Variants in PEX2 observed in about 807,000 individuals in gnomAD.
PEX2 encodes the protein peroxisomal biogenesis factor 2.
PEX2 carries 19 observed loss-of-function variants against 25.2 expected under a neutral mutation model. The observed-to-expected ratio is 0.75, with a 90% CI of 0.53 to 1.10. The LOEUF is 1.10. Ranked by LOEUF, PEX2 falls within the 50% of genes least tolerant of loss-of-function variation. The pLI is 0.00. For synonymous variants in PEX2, 141 were observed against 127.7 expected, an observed-to-expected ratio of 1.10 and a Z score of -0.70; for missense variants, 347 against 350.6, an observed-to-expected ratio of 0.99 and a Z score of 0.08.
Position 76,983,948 on chromosome 8 carries a change from T to C in PEX2, c.231A>G (p.Gly77=), listed in dbSNP as rs780031045. 6.2e-7 allele frequency: 1 copy of C among 1,614,172 alleles called. No homozygotes were observed. ...FTIYSKNATV[G]QSVLNIKYKN... ...TGTACTTAATATTCAAAACTGACTG[T>C]CCCACTGTGGCATTTTTGGAGTAGA... The change falls in exon 4 of 4, where the codon GGA becomes GGG. Residue 77 remains glycine (G), a synonymous_variant. Transcript: ENST00000357039.
rs897513302 is a variant in PEX2, at chr8:76,981,016, T to C, written c.*2245A>G. ...AAAGAGAACCATCTGAGCACCTACA[T>C]CCAGACTGGGCCTGCAGTGTGCAGC... is the stretch of plus-strand genomic sequence containing the variant. On this transcript the variant is annotated 3_prime_UTR_variant, in exon 4 of 4. Transcript: ENST00000357039. 5 of 152,158 alleles carry C rather than the reference T, an allele frequency of 3.3e-5. No individual in the cohort carries two copies. Among genetic ancestry groups the C allele is most frequent in the African/African-American group, 9.7e-5 (4 of 41,420 alleles). The allele number at this position is 152,158 out of a possible 1,614,324, so 9.4% of individuals were successfully genotyped here. A position where few individuals can be genotyped will look rare whatever the true frequency, so the allele number is the denominator to read the frequency against.
rs1471941336 is a variant in PEX2 at position 76,980,532 on chromosome 8, T to C, written c.*2729A>G. ...GTATATGGGAGGAGCATCACCTACA[T>C]TTAAGTAACCAGGAACAGTATTTTC... On this transcript the variant is annotated 3_prime_UTR_variant, in exon 4 of 4. Coordinates refer to ENST00000357039, the MANE Select transcript of PEX2 (RefSeq NM_000318.3). 2 of 152,250 alleles carry C rather than the reference T, an allele frequency of 1.3e-5. No homozygotes were observed. Among genetic ancestry groups the C allele is most frequent in the African/African-American group, 2.4e-5 (1 of 41,462 alleles). 9.4% of individuals were successfully genotyped at this position (152,250 alleles called of 1,614,324 possible).
chr8:76,996,388 G>C (rs1482450399), intron 1 of PEX2, among the ~76,000 whole-genome samples: 1 of 152,094 alleles, frequency 6.6e-6, no homozygotes, highest in Non-Finnish European at 1.5e-5. Context: ...CTAAACCAGC[G>C]TCCTATACTG....
chr8:76,997,808 A>G (rs1297913630), intron 1 of PEX2, among the ~76,000 whole-genome samples: 1 of 152,242 alleles, frequency 6.6e-6, no homozygotes, highest in Non-Finnish European at 1.5e-5. Context: ...GAAGTCTAAT[A>G]TCCCACACGG....
intron 2 of PEX2, among the ~76,000 whole-genome samples, chr8:76,987,592 C>A (rs1172045169): frequency 2.0e-5 from 3 of 151,898 alleles, no homozygotes; most frequent in Non-Finnish European, 4.4e-5. Flanking sequence ...CCACCCTGAG[C>A]AAGAATGGAA....
chr8:76,996,124 C>G (rs1401395218), intron 1 of PEX2, among the ~76,000 whole-genome samples: 1 of 152,114 alleles, frequency 6.6e-6, no homozygotes, highest in Non-Finnish European at 1.5e-5. Context: ...CAGTAAACCA[C>G]TAAGGAAGAC....
chr8:77,000,314 G>A (rs186234769), upstream of PEX2: 1 of 290,982 alleles, frequency 3.4e-6, no homozygotes, highest in East Asian at 1.1e-4. Flanking sequence ...GTCTCTGATT[G>A]GCAGGAGAGT....
chr8:76,994,499 C>T (rs1455815429), intron 1 of PEX2, among the ~76,000 whole-genome samples: 1 of 152,092 alleles, frequency 6.6e-6, no homozygotes, highest in Non-Finnish European at 1.5e-5. Context: ...TCTCCTACAT[C>T]GCTGCTATCA....
intron 1 of PEX2, among the ~76,000 whole-genome samples, chr8:76,998,783 T>C (rs1807408005): frequency 6.6e-6 from 1 of 152,096 alleles, no homozygotes. Context: ...TATGGAACAG[T>C]TTTAAAACCC....
upstream of PEX2, chr8:77,000,315 G>T: frequency 3.4e-6 from 1 of 290,434 alleles, no homozygotes; most frequent in Non-Finnish European, 6.7e-6. Context: ...TCTCTGATTG[G>T]CAGGAGAGTC....
rs1429397131 is a variant in PEX2 at position 76,983,953 on chromosome 8, C to A, written c.226G>T (p.Val76Leu). The A allele has an allele frequency of 1.9e-6, 3 of 1,614,050 alleles. No individual in the cohort carries two copies. Among genetic ancestry groups the A allele is most frequent in the Non-Finnish European group, 2.5e-6 (3 of 1,180,040 alleles). Residue 76 changes from valine to leucine, a missense_variant, in exon 4 of 4, where the codon GTG (valine) becomes TTG (leucine). Coordinates refer to ENST00000357039, the MANE Select transcript of PEX2 (RefSeq NM_000318.3). ...RFTIYSKNAT[V>L]GQSVLNIKYK... ...TTAATATTCAAAACTGACTGTCCCA[C>A]TGTGGCATTTTTGGAGTAGATGGTG...
At chr8:76,996,704 C>A (rs1391137940) in intron 1 of PEX2, among the ~76,000 whole-genome samples, 1 of 152,148 alleles carries the variant, frequency 6.6e-6, no homozygotes, top group East Asian at 1.9e-4. Flanking sequence ...ACGGAAATAT[C>A]CCCAAAGGAA....
chr8:76,993,560 T>C (rs1051691973), intron 1 of PEX2, among the ~76,000 whole-genome samples: 1 of 152,238 alleles, frequency 6.6e-6, no homozygotes, highest in East Asian at 1.9e-4. Flanking sequence ...ATTTTGACTT[T>C]ACCTTCAATC....
chr8:76,999,960 G>A (rs1054678105), intron 1 of PEX2, 30 bp downstream of exon 1: 2 of 456,686 alleles, frequency 4.4e-6, no homozygotes, highest in Non-Finnish European at 4.4e-6. Context: ...CCTCGGGTTT[G>A]CACTCCGGCT....
intron 1 of PEX2, among the ~76,000 whole-genome samples, chr8:76,995,171 C>T (rs990068086): frequency 7.9e-5 from 12 of 152,196 alleles, no homozygotes; most frequent in African/African-American, 2.9e-4. Context: ...ACTACTTTCT[C>T]GTTCCTCTCT....
chr8:76,998,930 G>A (rs1053671616), intron 1 of PEX2, among the ~76,000 whole-genome samples: 3 of 151,192 alleles, frequency 2.0e-5, no homozygotes, highest in Admixed American at 6.6e-5. Flanking sequence ...TACTAGTCTA[G>A]TATTCGCTCT....
At chr8:76,990,620 G>C (rs968164478) in intron 1 of PEX2, among the ~76,000 whole-genome samples, 8 of 152,220 alleles carry the variant, frequency 5.3e-5, no homozygotes, top group African/African-American at 1.9e-4. Context: ...TTAGGGAATA[G>C]GCAAGTCAGC....
intron 1 of PEX2, among the ~76,000 whole-genome samples, chr8:76,989,993 G>A (rs1193399572): frequency 6.6e-6 from 1 of 152,066 alleles, no homozygotes; most frequent in Non-Finnish European, 1.5e-5. Flanking sequence ...TCCAATATAA[G>A]CCTTTTGTCT....
Position 76,983,236 on chromosome 8 carries a change from T to C in PEX2, c.*25A>G. On this transcript the variant is annotated 3_prime_UTR_variant, in exon 4 of 4. Coordinates refer to ENST00000357039, the MANE Select transcript of PEX2 (RefSeq NM_000318.3). ...AGAATTTAAACACGGTGCATTTTTT[T>C]CCTCAAAGGAAGCAATTTTAGTTTC... The C allele has an allele frequency of 6.2e-7, 1 of 1,607,680 alleles. No homozygotes were observed. Among genetic ancestry groups the C allele is most frequent in the Non-Finnish European group, 8.5e-7 (1 of 1,179,878 alleles).
Sources: gnomAD v4.1 joint callset for allele counts (sites outside exome capture counted in the v4.1 genomes callset) on GRCh38, gnomAD v4.1.1 for gene constraint, MANE v1.5 for transcripts, NCBI Gene and HGNC (gene_info 2026-07-23, HGNC 2026-07-21) for gene names.